OPTN: variants seen among roughly 807,000 people sequenced by gnomAD.
OPTN encodes optineurin.
OPTN carries 54 observed loss-of-function variants against 70.4 expected under a neutral mutation model. That is an observed-to-expected ratio of 0.77 (90% confidence interval 0.62 to 0.96). The LOEUF (loss-of-function observed/expected upper bound fraction) is 0.96, where lower values mean the gene tolerates loss of function less well. Ranked by LOEUF, OPTN falls within the 40% of genes least tolerant of loss-of-function variation. The pLI, the probability that OPTN is intolerant of heterozygous loss-of-function variation, is 0.00. For missense variants in OPTN, 624 were observed against 673.2 expected (o/e 0.93, Z 0.81); for synonymous variants, 256 against 248.5 (o/e 1.03, Z -0.28).
chr10:13,111,254 G>A (rs1832988683), intron 4 of OPTN, among the ~76,000 whole-genome samples: 1 of 152,174 alleles, frequency 6.6e-6, no homozygotes, highest in African/African-American at 2.4e-5. Flanking sequence ...TGAGTCCACT[G>A]TTGCCAAAGT....
At chr10:13,134,183 C>T (rs1056914129) in intron 14 of OPTN, among the ~76,000 whole-genome samples, 7 of 152,198 alleles carry the variant, frequency 4.6e-5, no homozygotes, top group Admixed American at 2.6e-4. Context: ...TCCCCTTGAA[C>T]TTGTCCTAAG....
intron 1 of OPTN, chr10:13,104,571 A>G (rs950732971): frequency 6.5e-5 from 40 of 620,120 alleles, no homozygotes; most frequent in Non-Finnish European, 8.0e-5. Flanking sequence ...GCCATTTTTT[A>G]TACTCATTCC....
intron 7 of OPTN, among the ~76,000 whole-genome samples, chr10:13,121,490 G>T (rs1395129389): frequency 9.9e-6 from 1 of 101,494 alleles, no homozygotes; most frequent in Non-Finnish European, 1.8e-5. Flanking sequence ...TTTCTTGCCT[G>T]ATTATCCTGT....
At chr10:13,109,552 G>T in intron 3 of OPTN, 1 of 439,042 alleles carries the variant, frequency 2.3e-6, no homozygotes, top group Non-Finnish European at 4.2e-6. Flanking sequence ...GAGGCTGGGC[G>T]TGGTGGCTCA....
intron 4 of OPTN, among the ~76,000 whole-genome samples, chr10:13,111,652 C>T (rs370742345): frequency 5.9e-5 from 9 of 151,532 alleles, no homozygotes; most frequent in East Asian, 1.9e-4. Context: ...AAGCTGAGAT[C>T]GCGCCATTGC....
chr10:13,136,329 A>G (rs1833698054), intron 14 of OPTN, among the ~76,000 whole-genome samples: 1 of 151,934 alleles, frequency 6.6e-6, no homozygotes, highest in African/African-American at 2.4e-5. Flanking sequence ...CCAACATGGC[A>G]AAACCACATC....
At chr10:13,111,882 C>T (rs1317474622) in intron 4 of OPTN, among the ~76,000 whole-genome samples, 5 of 112,708 alleles carry the variant, frequency 4.4e-5, no homozygotes, top group South Asian at 3.1e-4. Context: ...GAGTCTTGCT[C>T]TGTTGCCCAG....
chr10:13,114,687 T>TTTATA (rs1224562185), intron 5 of OPTN, among the ~76,000 whole-genome samples: 2 of 142,534 alleles, frequency 1.4e-5, no homozygotes, highest in East Asian at 4.0e-4. Context: ...TATATCTGTA[T>TTTATA]TTATATTATA....
chr10:13,108,912 A>ACACG (rs757795443), intron 2 of OPTN, 200 bp from the exon 3 acceptor site: 11 of 527,330 alleles, frequency 2.1e-5, no homozygotes, highest in Non-Finnish European at 3.8e-5. Context: ...ATGCGCGTGC[A>ACACG]CACACACACA....
intron 9 of OPTN, 47 bp from the exon 10 acceptor site, chr10:13,125,371 A>T: frequency 6.2e-7 from 1 of 1,610,524 alleles, no homozygotes; most frequent in Non-Finnish European, 8.5e-7. Flanking sequence ...AGCCACTGCG[A>T]CGTAAAGGAG....
chr10:13,121,104 G>A (rs67295059), intron 7 of OPTN, among the ~76,000 whole-genome samples: 34,502 of 152,010 alleles, frequency 0.23, 4,353 homozygotes, highest in Middle Eastern at 0.39. Context: ...GGGGATTATG[G>A]GGATTACAAT....
At chr10:13,111,941 A>G (rs536919284) in intron 4 of OPTN, among the ~76,000 whole-genome samples, 16 of 128,082 alleles carry the variant, frequency 1.2e-4, no homozygotes, top group South Asian at 2.7e-4. Flanking sequence ...TCCGCCTCCC[A>G]GGTTCACGCC....
chr10:13,109,318 T>C (rs990122722), intron 3 of OPTN, 30 bp downstream of exon 3: 64 of 1,611,590 alleles, frequency 4.0e-5, no homozygotes, highest in African/African-American at 8.0e-5. Flanking sequence ...GTGTGCCCCA[T>C]TCATCCTGGG....
At chr10:13,101,265 T>A (rs189051864) in intron 1 of OPTN, among the ~76,000 whole-genome samples, 138 of 152,312 alleles carry the variant, frequency 9.1e-4, no homozygotes, top group African/African-American at 3.0e-3. Flanking sequence ...TCATCTGTTT[T>A]TCCACTGGGC....
intron 6 of OPTN, among the ~76,000 whole-genome samples, chr10:13,117,242 G>A (rs998791691): frequency 2.7e-4 from 41 of 150,690 alleles, no homozygotes; most frequent in African/African-American, 8.8e-4. Flanking sequence ...CACCATGCCC[G>A]GCTAATTTTT....
intron 1 of OPTN, among the ~76,000 whole-genome samples, chr10:13,102,576 A>G (rs1832773452): frequency 6.6e-6 from 1 of 152,244 alleles, no homozygotes; most frequent in Admixed American, 6.5e-5. Context: ...GGAGGTCAAC[A>G]TGGCTGTGGT....
intron 1 of OPTN, among the ~76,000 whole-genome samples, chr10:13,102,709 G>T (rs189266046): frequency 3.3e-5 from 5 of 152,270 alleles, no homozygotes; most frequent in African/African-American, 4.8e-5. Context: ...TAGGGAGGCC[G>T]AGGTGGGTGG....
chr10:13,137,045 C>G lies in OPTN; in HGVS notation c.*179C>G, dbSNP rs1213278270. On this transcript the variant is annotated 3_prime_UTR_variant, in exon 15 of 15. Transcript: ENST00000378747. ...CTGTAATCCCAGCACTTTGGGAGGT[C>G]GAGGTGGGTGGATCACTTGGGGTCA... 1 of 737,960 alleles carries G rather than the reference C, an allele frequency of 1.4e-6. No individual in the cohort carries two copies. The highest frequency in any genetic ancestry group is 2.3e-6 in the Non-Finnish European group (1 of 437,730). The allele number at this position is 737,960 out of a possible 1,614,324, so 45.7% of individuals were successfully genotyped here.
chr10:13,102,758 C>T (rs554130573), intron 1 of OPTN, among the ~76,000 whole-genome samples: 5 of 152,124 alleles, frequency 3.3e-5, no homozygotes, highest in South Asian at 4.2e-4. Flanking sequence ...GCCTGGCCAA[C>T]GTGGCAAAAC....
Sources: gnomAD v4.1 joint callset for allele counts (sites outside exome capture counted in the v4.1 genomes callset) on GRCh38, gnomAD v4.1.1 for gene constraint, MANE v1.5 for transcripts, NCBI Gene and HGNC (gene_info 2026-07-23, HGNC 2026-07-21) for gene names.